NPAS3: variants seen among roughly 807,000 people sequenced by gnomAD.
The protein encoded by NPAS3 is neuronal PAS domain-containing protein 3.
In NPAS3, 14 loss-of-function variants were observed where a neutral mutation model predicts 73.1. The observed-to-expected ratio is 0.19, with a 90% CI of 0.13 to 0.30. The LOEUF is 0.30. Among genes scored for constraint, NPAS3 ranks in the 10% least tolerant of loss-of-function variants. The pLI, the probability that NPAS3 is intolerant of heterozygous loss-of-function variation, is 1.00. For missense variants in NPAS3, 1,096 were observed against 1,250.0 expected, an observed-to-expected ratio of 0.88 and a Z score of 1.86; for synonymous variants, 620 against 541.5, an observed-to-expected ratio of 1.14 and a Z score of -2.01.
At chr14:33,687,847 C>T (rs981986774) in intron 6 of NPAS3, among the ~76,000 whole-genome samples, 29 of 152,162 alleles carry the variant, frequency 1.9e-4, no homozygotes, top group African/African-American at 6.8e-4. Context: ...TCTCTGCTCT[C>T]CCAGAACCTG....
chr14:33,529,827 GT>G (rs2053962220), intron 4 of NPAS3, among the ~76,000 whole-genome samples: 1 of 151,830 alleles, frequency 6.6e-6, no homozygotes, highest in Admixed American at 6.6e-5. Flanking sequence ...GAAAGGCACC[GT>G]TTCACTTGGG....
In NPAS3 at chr14:33,369,075, T is replaced by C. The variant is rs141165148; in HGVS notation, c.468+1807T>C. Among the ~76,000 whole-genome samples the C allele has an allele frequency of 4.8e-4, 73 of 152,256 alleles. No individual in the cohort carries two copies. The East Asian group carries it at 0.011, about 23-fold the overall frequency. On this transcript the variant is annotated intron_variant, in intron 4 of 11. Coordinates refer to ENST00000356141, the Ensembl canonical transcript of NPAS3. Reference sequence around the variant, plus strand: ...CAAACTTAGGAGTTTGAATCAAACATAAATTCAGTATAAATATATAATGTA... The same window carrying C: ...CAAACTTAGGAGTTTGAATCAAACACAAATTCAGTATAAATATATAATGTA...
intron 2 of NPAS3, among the ~76,000 whole-genome samples, chr14:33,131,524 T>A (rs1416344600): frequency 6.6e-6 from 1 of 152,116 alleles, no homozygotes; most frequent in Non-Finnish European, 1.5e-5. Flanking sequence ...TTAATATAAG[T>A]AATAAATGTT....
At chr14:33,584,738 AT>A (rs1301936339) in intron 5 of NPAS3, among the ~76,000 whole-genome samples, 3 of 152,168 alleles carry the variant, frequency 2.0e-5, no homozygotes, top group African/African-American at 7.2e-5. Context: ...ATTTGACAGC[AT>A]TTTTTTAGTA....
At chr14:33,328,125 T>A (rs2043794295) in intron 3 of NPAS3, among the ~76,000 whole-genome samples, 1 of 152,104 alleles carries the variant, frequency 6.6e-6, no homozygotes, top group Non-Finnish European at 1.5e-5. Flanking sequence ...TTTAAGAAGT[T>A]TAGTGGAAAA....
At chr14:33,036,553 C>T (rs2040175797) in intron 1 of NPAS3, among the ~76,000 whole-genome samples, 1 of 152,052 alleles carries the variant, frequency 6.6e-6, no homozygotes, top group Non-Finnish European at 1.5e-5. Context: ...GAATAAAGCA[C>T]AGTATAGCAT....
chr14:32,955,368 C>T (rs1035578980), intron 1 of NPAS3, among the ~76,000 whole-genome samples: 8 of 152,100 alleles, frequency 5.3e-5, no homozygotes, highest in African/African-American at 1.9e-4. Flanking sequence ...AATGGGACTA[C>T]TTATGTAACT....
chr14:33,154,798 T>C (rs992159113), intron 2 of NPAS3, among the ~76,000 whole-genome samples: 5 of 152,212 alleles, frequency 3.3e-5, no homozygotes, highest in African/African-American at 9.7e-5. Flanking sequence ...TTTTGTACTA[T>C]GTTTGAAATG....
chr14:33,181,724 G>T (rs1257067761), intron 2 of NPAS3, among the ~76,000 whole-genome samples: 2 of 152,146 alleles, frequency 1.3e-5, no homozygotes, highest in African/African-American at 4.8e-5. Flanking sequence ...TAATTCAAGT[G>T]ACAAAAGTGG....
chr14:33,777,624 A>G (rs1302205343), intron 8 of NPAS3, among the ~76,000 whole-genome samples: 1 of 152,114 alleles, frequency 6.6e-6, no homozygotes, highest in Non-Finnish European at 1.5e-5. Flanking sequence ...TCCACTTTGG[A>G]CTGACCAAAA....
chr14:33,252,788 A>C (rs1358455542), intron 3 of NPAS3, among the ~76,000 whole-genome samples: 3 of 149,496 alleles, frequency 2.0e-5, no homozygotes, highest in East Asian at 2.0e-4. Context: ...CTCTTGCCCC[A>C]CTCCCACCCT....
intron 1 of NPAS3, among the ~76,000 whole-genome samples, chr14:33,001,887 G>A (rs1353805565): frequency 1.3e-5 from 2 of 152,152 alleles, no homozygotes; most frequent in Non-Finnish European, 2.9e-5. Flanking sequence ...AAGAATCACT[G>A]TTCCCTAGCC....
In NPAS3 at chr14:33,578,380, A is replaced by G. The variant is rs536563411; in HGVS notation, c.558+18170A>G. ...GGCTAATTTTTTGTATTTTTAGTAG[A>G]GACGGGTTTCTCCATTTTGGTCAGG... On this transcript the variant is annotated intron_variant, in intron 5 of 11. Coordinates refer to ENST00000356141, the Ensembl canonical transcript of NPAS3. 142 of 363,462 alleles carry G rather than the reference A, an allele frequency of 3.9e-4. 1 individual carries two copies. The highest frequency in any genetic ancestry group is 1.7e-3 in the Middle Eastern group (2 of 1,198). The allele number at this position is 363,462 out of a possible 1,614,324, so 22.5% of individuals were successfully genotyped here.
At chr14:33,315,638 G>A (rs1283000118) in intron 3 of NPAS3, among the ~76,000 whole-genome samples, 1 of 151,606 alleles carries the variant, frequency 6.6e-6, no homozygotes, top group African/African-American at 2.4e-5. Flanking sequence ...AGAGAGAGAG[G>A]CTTTAGTTAG....
intron 2 of NPAS3, among the ~76,000 whole-genome samples, chr14:33,085,740 G>A (rs1249548077): frequency 6.6e-6 from 1 of 152,062 alleles, no homozygotes; most frequent in African/African-American, 2.4e-5. Flanking sequence ...AATATAGTAA[G>A]ATACAACCAA....
rs1457583131 is a variant in NPAS3 at position 33,779,209 on chromosome 14, C to G, written c.1153+637C>G. Among the ~76,000 whole-genome samples, 11 of 152,352 alleles carry G rather than the reference C, an allele frequency of 7.2e-5. No individual in the cohort carries two copies. The East Asian group carries it at 2.1e-3, about 29-fold the overall frequency. On this transcript the variant is annotated intron_variant, in intron 9 of 11. Transcript: ENST00000356141. Reference sequence around the variant, plus strand: ...TGGCTCCCAGCCCCTGAGCCACAGGCTGAACTCCAAAAGACCTTCTGTGCA... The same window carrying G: ...TGGCTCCCAGCCCCTGAGCCACAGGGTGAACTCCAAAAGACCTTCTGTGCA...
chr14:33,183,827 T>A (rs752368960), intron 2 of NPAS3, among the ~76,000 whole-genome samples: 5 of 152,174 alleles, frequency 3.3e-5, no homozygotes, highest in Non-Finnish European at 5.9e-5. Context: ...CTCATTTGCT[T>A]TTCTCCACTC....
At chr14:33,744,073 G>A (rs908919888) in intron 7 of NPAS3, among the ~76,000 whole-genome samples, 3 of 152,192 alleles carry the variant, frequency 2.0e-5, no homozygotes, top group African/African-American at 7.2e-5. Context: ...TTGTTCACTA[G>A]AGTAGCACTT....
At position 33,620,738 on chromosome 14, in the gene NPAS3, T is replaced by A. The variant is rs1304923286; in HGVS notation, c.559-55473T>A. ...TTCTTAGGTTTACTTGGCATATAAA[T>A]CTATTTATTTATTTATTTGGGCTAC... On this transcript the variant is annotated intron_variant, in intron 5 of 11. Coordinates refer to ENST00000356141, the Ensembl canonical transcript of NPAS3. Among the ~76,000 whole-genome samples the A allele has an allele frequency of 2.6e-5, 4 of 152,186 alleles. No homozygotes were observed. The East Asian group carries it at 7.7e-4, about 29-fold the overall frequency.
Sources: gnomAD v4.1 joint callset for allele counts (sites outside exome capture counted in the v4.1 genomes callset) on GRCh38, gnomAD v4.1.1 for gene constraint, MANE v1.5 for transcripts, NCBI Gene and HGNC (gene_info 2026-07-23, HGNC 2026-07-21) for gene names.